The following PTPRD variants were observed in gnomAD, a reference collection of about 807,000 sequenced individuals.
PTPRD encodes receptor-type tyrosine-protein phosphatase delta.
PTPRD carries 34 observed loss-of-function variants against 214.5 expected under a neutral mutation model. That is an observed-to-expected ratio of 0.16 (90% CI 0.12 to 0.21). PTPRD has a LOEUF of 0.21. PTPRD is among the 10% of genes least tolerant of loss of function. The probability of loss-of-function intolerance (pLI) is 1.00; values close to 1 mark genes in which losing one functional copy is unlikely to be tolerated. For missense variants in PTPRD, 2,545 were observed against 2,398.7 expected (o/e 1.06, Z -1.27); for synonymous variants, 1,128 against 845.7 (o/e 1.33, Z -5.79).
Position 9,039,070 on chromosome 9 carries a change from G to T in PTPRD, c.-142-20335C>A, listed in dbSNP as rs190563286. On this transcript the variant is annotated intron_variant, in intron 10 of 45. Coordinates refer to ENST00000381196, the MANE Select transcript of PTPRD (RefSeq NM_002839.4). Reference sequence around the variant, plus strand: ...GGTTGTGTTTTCAGAGTTAAGCTATGAAACAAAAAAAGAATTTAAGCATAG... The same window carrying T: ...GGTTGTGTTTTCAGAGTTAAGCTATTAAACAAAAAAAGAATTTAAGCATAG... 1.3e-3 allele frequency among the ~76,000 whole-genome samples: 203 copies of T among 152,032 alleles called. 1 individual carries two copies. Among genetic ancestry groups the T allele is most frequent in the African/African-American group, 4.6e-3 (192 of 41,500 alleles).
intron 30 of PTPRD, among the ~76,000 whole-genome samples, chr9:8,474,779 G>T (rs1161075800): frequency 6.6e-6 from 1 of 152,196 alleles, no homozygotes; most frequent in Middle Eastern, 3.4e-3. Context: ...CTCATCATCT[G>T]TCTACCAAAG....
At chr9:8,833,302 C>T (rs1194240053) in intron 11 of PTPRD, among the ~76,000 whole-genome samples, 1 of 152,118 alleles carries the variant, frequency 6.6e-6, no homozygotes, top group East Asian at 1.9e-4. Context: ...ACTTTTGAAA[C>T]ATCTTCAGGA....
At chr9:10,438,850 C>G (rs2098739967) in intron 2 of PTPRD, among the ~76,000 whole-genome samples, 1 of 151,712 alleles carries the variant, frequency 6.6e-6, no homozygotes, top group Admixed American at 6.6e-5. Flanking sequence ...TGATGGGTAG[C>G]TGTCTGCTAT....
chr9:9,918,023 G>A (rs1050478505), intron 5 of PTPRD, among the ~76,000 whole-genome samples: 2 of 151,862 alleles, frequency 1.3e-5, no homozygotes, highest in East Asian at 1.9e-4. Context: ...ACTCTCACCT[G>A]TCTTATTACA....
intron 11 of PTPRD, among the ~76,000 whole-genome samples, chr9:9,006,607 T>C (rs2099469606): frequency 6.6e-6 from 1 of 152,056 alleles, no homozygotes; most frequent in Non-Finnish European, 1.5e-5. Context: ...TTATTTTTAC[T>C]GTGAAATTGG....
At chr9:10,177,913 T>G (rs779358911) in intron 3 of PTPRD, among the ~76,000 whole-genome samples, 59 of 151,904 alleles carry the variant, frequency 3.9e-4, no homozygotes, top group Non-Finnish European at 7.7e-4. Flanking sequence ...ACATCAAATA[T>G]AAGGTACCAG....
chr9:9,008,904 A>G (rs545545994), intron 11 of PTPRD, among the ~76,000 whole-genome samples: 1 of 152,310 alleles, frequency 6.6e-6, no homozygotes, highest in South Asian at 2.1e-4. Flanking sequence ...AATTTTGCTT[A>G]AGATAAATTT....
chr9:8,825,112 T>C (rs1474728886), intron 11 of PTPRD, among the ~76,000 whole-genome samples: 3 of 152,136 alleles, frequency 2.0e-5, no homozygotes, highest in Non-Finnish European at 4.4e-5. Context: ...TATTTATGAG[T>C]TGGGTAAATT....
chr9:8,856,333 GA>G (rs2097915231), intron 11 of PTPRD, among the ~76,000 whole-genome samples: 2 of 152,294 alleles, frequency 1.3e-5, no homozygotes, highest in African/African-American at 2.4e-5. Context: ...AAAATGGTCA[GA>G]AGTATCTATG....
intron 7 of PTPRD, among the ~76,000 whole-genome samples, chr9:9,591,694 C>T (rs1258687485): frequency 1.1e-4 from 16 of 151,998 alleles, no homozygotes. Flanking sequence ...TTAATTGACA[C>T]ATAAGTGTGT....
At chr9:8,744,837 A>T (rs1181016552) in intron 11 of PTPRD, among the ~76,000 whole-genome samples, 2 of 152,222 alleles carry the variant, frequency 1.3e-5, no homozygotes, top group East Asian at 3.9e-4. Flanking sequence ...TATAATCCCA[A>T]CGTTGTCCTC....
intron 11 of PTPRD, among the ~76,000 whole-genome samples, chr9:8,749,270 C>T (rs1385606923): frequency 1.3e-5 from 2 of 152,276 alleles, no homozygotes; most frequent in Admixed American, 6.5e-5. Flanking sequence ...CAATTTCCGC[C>T]TCCGGGTTCA....
intron 7 of PTPRD, among the ~76,000 whole-genome samples, chr9:9,683,432 G>A (rs1200968355): frequency 1.3e-5 from 2 of 151,730 alleles, no homozygotes; most frequent in South Asian, 4.1e-4. Flanking sequence ...AAACAGACTA[G>A]TGAGGAGATA....
At chr9:10,365,203 G>C (rs1027687803) in intron 2 of PTPRD, among the ~76,000 whole-genome samples, 1 of 152,184 alleles carries the variant, frequency 6.6e-6, no homozygotes, top group African/African-American at 2.4e-5. Flanking sequence ...CCTCAGACAG[G>C]CTTTTTAAAA....
intron 9 of PTPRD, among the ~76,000 whole-genome samples, chr9:9,315,174 G>C (rs1252685664): frequency 1.3e-5 from 2 of 151,942 alleles, no homozygotes; most frequent in Non-Finnish European, 2.9e-5. Context: ...AGCAGCAAAA[G>C]ATAAAGAAGC....
At chr9:9,750,995 AG>A (rs1301706017) in intron 6 of PTPRD, among the ~76,000 whole-genome samples, 1 of 152,110 alleles carries the variant, frequency 6.6e-6, no homozygotes, top group East Asian at 1.9e-4. Flanking sequence ...AATCAAATAC[AG>A]TGCCTAATTT....
intron 6 of PTPRD, among the ~76,000 whole-genome samples, chr9:9,754,192 G>A (rs1564998046): frequency 6.6e-6 from 1 of 152,094 alleles, no homozygotes; most frequent in African/African-American, 2.4e-5. Context: ...AAGGGAACTG[G>A]AGGAATGAAA....
At chr9:8,886,030 T>C (rs2098484597) in intron 11 of PTPRD, among the ~76,000 whole-genome samples, 1 of 152,090 alleles carries the variant, frequency 6.6e-6, no homozygotes, top group African/African-American at 2.4e-5. Flanking sequence ...ACCTTTATGG[T>C]TTTTAGTAAT....
chr9:10,226,927 T>C (rs534334229), intron 3 of PTPRD, among the ~76,000 whole-genome samples: 5 of 152,024 alleles, frequency 3.3e-5, no homozygotes, highest in Non-Finnish European at 2.9e-5. Flanking sequence ...GGGGTAAATA[T>C]AGAATTAGAA....
Sources: gnomAD v4.1 joint callset for allele counts (sites outside exome capture counted in the v4.1 genomes callset) on GRCh38, gnomAD v4.1.1 for gene constraint, MANE v1.5 for transcripts, NCBI Gene and HGNC (gene_info 2026-07-23, HGNC 2026-07-21) for gene names.